ELF4: variants seen among roughly 807,000 people sequenced by gnomAD.
The protein encoded by ELF4 is E74 like ETS transcription factor 4.
ELF4 carries 10 observed loss-of-function variants against 31.7 expected under a neutral mutation model. The observed-to-expected ratio is 0.32, with a 90% CI of 0.19 to 0.54. The LOEUF (loss-of-function observed/expected upper bound fraction) is 0.54, where lower values mean the gene tolerates loss of function less well. ELF4 is among the 20% of genes least tolerant of loss of function. The pLI, the probability that ELF4 is intolerant of heterozygous loss-of-function variation, is 0.95. For synonymous variants in ELF4, 208 were observed against 226.7 expected (o/e 0.92, Z 0.74); for missense variants, 418 against 522.0 (o/e 0.80, Z 1.94).
chrX:130,091,968 C>T lies in ELF4; in HGVS notation c.-209-10429G>A, dbSNP rs140360859. ...GCCCAGCTGTGGTTTTCCGCTGCCC[C>T]CATGGGCCTCCCTCACTCCACACTC... On this transcript the variant is annotated intron_variant, in intron 1 of 8. Coordinates refer to ENST00000308167, the MANE Select transcript of ELF4 (RefSeq NM_001421.4). Among the ~76,000 whole-genome samples, 434 of 112,145 alleles carry T rather than the reference C, an allele frequency of 3.9e-3. 11 individuals are homozygous for T. The East Asian group carries it at 0.068, about 18-fold the overall frequency.
At chrX:130,101,419 TA>T (rs1375298361) in intron 1 of ELF4, among the ~76,000 whole-genome samples, 7 of 112,446 alleles carry the variant, frequency 6.2e-5, no homozygotes, top group Non-Finnish European at 1.9e-5. Flanking sequence ...AGCAACTTTT[TA>T]GGCTAAGAAT....
chrX:130,111,465 G>A (rs1267145356), upstream of ELF4, among the ~76,000 whole-genome samples: 1 of 112,990 alleles, frequency 8.9e-6, no homozygotes, highest in Non-Finnish European at 1.9e-5. Flanking sequence ...GCCGTGCGGC[G>A]GGTGAGGCCG....
intron 1 of ELF4, among the ~76,000 whole-genome samples, chrX:130,102,944 AAGGAAGGAAGGGAGGG>A (rs200568233): frequency 0.23 from 17,347 of 75,229 alleles, 1,725 homozygotes; most frequent in South Asian, 0.39. Context: ...GGGAGGGAGG[AAGGAAGGAAGGGAGGG>A]AGGAAGGAAG....
chrX:130,098,076 G>C (rs764735606), intron 1 of ELF4, among the ~76,000 whole-genome samples: 1 of 112,126 alleles, frequency 8.9e-6, no homozygotes, highest in Non-Finnish European at 1.9e-5. Flanking sequence ...CTGCTCTTTC[G>C]TCACTACAGG....
chrX:130,092,203 G>A (rs1489788760), intron 1 of ELF4, among the ~76,000 whole-genome samples: 1 of 113,018 alleles, frequency 8.8e-6, no homozygotes, highest in African/African-American at 3.2e-5. Context: ...ACAGGCAGTG[G>A]AGTAGGAGAT....
At chrX:130,078,806 C>CAA (rs1491469388) in intron 2 of ELF4, among the ~76,000 whole-genome samples, 9 of 100,364 alleles carry the variant, frequency 9.0e-5, no homozygotes, top group Non-Finnish European at 1.4e-4. Flanking sequence ...CACACACACA[C>CAA]AATTAGCCAG....
At chrX:130,091,961 G>A (rs1043561961) in intron 1 of ELF4, among the ~76,000 whole-genome samples, 2 of 111,897 alleles carry the variant, frequency 1.8e-5, no homozygotes, top group African/African-American at 3.2e-5. Flanking sequence ...GTGGTTTTCC[G>A]CTGCCCCCAT....
chrX:130,104,438 G>A (rs187980442), intron 1 of ELF4, among the ~76,000 whole-genome samples: 1 of 111,202 alleles, frequency 9.0e-6, no homozygotes, highest in Admixed American at 9.6e-5. Context: ...CCGCATTGCC[G>A]AAGAAGTAGT....
chrX:130,067,167 G>T lies in ELF4; in HGVS notation c.1546C>A (p.Pro516Thr). ...GAGPAGPSSQ[P>T]PGTVIAAFIR... Reference sequence around the variant, plus strand: ...AAGGCAGCAATGACAGTCCCAGGGGGCTGAGAGCTGGGCCCTGCTGGTCCA... The same window carrying T: ...AAGGCAGCAATGACAGTCCCAGGGGTCTGAGAGCTGGGCCCTGCTGGTCCA... The change falls in exon 9 of 9, where the codon CCC becomes ACC. Residue 516 changes from proline to threonine, a missense_variant. Physicochemically the swap from Pro to Thr is conservative, Grantham distance 38 (BLOSUM62 -1). This residue lies in a region of ELF4 where 260 missense variants were observed against 269.2 expected (regional missense o/e 0.97). Transcript: ENST00000308167. The T allele has an allele frequency of 3.3e-6, 4 of 1,204,599 alleles. No homozygotes were observed. Among genetic ancestry groups the T allele is most frequent in the Non-Finnish European group, 4.5e-6 (4 of 891,161 alleles).
chrX:130,093,544 T>G (rs1933095371), intron 1 of ELF4, among the ~76,000 whole-genome samples: 1 of 111,556 alleles, frequency 9.0e-6, no homozygotes, highest in Admixed American at 9.5e-5. Flanking sequence ...TGTGTGCCTG[T>G]GAGGTTATTG....
chrX:130,094,357 C>T (rs1933111738), intron 1 of ELF4, among the ~76,000 whole-genome samples: 1 of 110,104 alleles, frequency 9.1e-6, no homozygotes, highest in Non-Finnish European at 1.9e-5. Flanking sequence ...GCACTCCAGC[C>T]TGGGTGACAG....
intron 1 of ELF4, among the ~76,000 whole-genome samples, chrX:130,082,031 G>A (rs764273559): frequency 4.7e-4 from 52 of 111,604 alleles, no homozygotes; most frequent in Non-Finnish European, 3.6e-4. Context: ...GGGGGCCTGT[G>A]GGTATCTGTA....
At chrX:130,079,516 G>A (rs188565594) in intron 2 of ELF4, among the ~76,000 whole-genome samples, 127 of 111,497 alleles carry the variant, frequency 1.1e-3, no homozygotes, top group African/African-American at 3.8e-3. Flanking sequence ...GATGGTTTGA[G>A]GTCTTAAGGG....
chrX:130,077,339 A>G (rs1400162627), intron 2 of ELF4, among the ~76,000 whole-genome samples: 2 of 102,423 alleles, frequency 2.0e-5, no homozygotes, highest in Non-Finnish European at 4.0e-5. Context: ...CTTCTTGCCC[A>G]GGCTGGAGTA....
intron 1 of ELF4, among the ~76,000 whole-genome samples, chrX:130,082,964 G>T (rs745420770): frequency 5.4e-5 from 6 of 110,626 alleles, no homozygotes; most frequent in Non-Finnish European, 1.1e-4. Flanking sequence ...TCAGAGAGGG[G>T]CAAAGGGGAG....
intron 1 of ELF4, among the ~76,000 whole-genome samples, chrX:130,105,552 CTCCAT>C (rs1933362744): frequency 8.9e-6 from 1 of 111,877 alleles, no homozygotes; most frequent in East Asian, 2.8e-4. Flanking sequence ...GCCAAGCTTC[CTCCAT>C]GTCCAGCCTT....
rs1569400683 is a variant in ELF4, at chrX:130,067,516, T to C, written c.1197A>G (p.Ser399=). ...CTCCTAGGTGGATGTTGCTGGGCAC[T>C]GAAGATGCACTGAGAAGAAACAGAG... is the stretch of plus-strand genomic sequence containing the variant. ...VKLTKAVSAS[S]VPSNIHLGVA... is the part of the protein sequence containing the mutation. The change falls in exon 9 of 9, where the codon TCA becomes TCG. Residue 399 remains serine, a synonymous_variant. Transcript: ENST00000308167. 8.3e-7 allele frequency: 1 copy of C among 1,211,649 alleles called. No individual in the cohort carries two copies. The highest frequency in any genetic ancestry group is 3.0e-5 in the East Asian group (1 of 33,853).
intron 1 of ELF4, among the ~76,000 whole-genome samples, chrX:130,093,915 C>A (rs1434467349): frequency 8.9e-6 from 1 of 112,215 alleles, no homozygotes; most frequent in African/African-American, 3.2e-5. Flanking sequence ...TGGCCAAGAA[C>A]CCTGCCCAGC....
chrX:130,070,725 T>C (rs1464481943), intron 7 of ELF4, among the ~76,000 whole-genome samples: 1 of 97,635 alleles, frequency 1.0e-5, no homozygotes, highest in Admixed American at 1.2e-4. Flanking sequence ...TGAGCCGAGA[T>C]TGCGCCACTG....
Sources: allele counts gnomAD v4.1 joint callset (sites outside exome capture counted in the v4.1 genomes callset), GRCh38; gene constraint gnomAD v4.1.1; regional missense constraint gnomAD v4.1.1; transcripts MANE v1.5; gene names NCBI Gene and HGNC (gene_info 2026-07-23, HGNC 2026-07-21).